ZNF407: variants seen among roughly 807,000 people sequenced by gnomAD.
ZNF407 encodes the protein zinc finger protein 407.
In ZNF407, 17 loss-of-function variants were observed where a neutral mutation model predicts 131.2. The observed-to-expected ratio is 0.13, with a 90% confidence interval of 0.09 to 0.19. The LOEUF (loss-of-function observed/expected upper bound fraction) is 0.19, where lower values mean the gene tolerates loss of function less well. Ranked by LOEUF, ZNF407 falls within the 10% of genes least tolerant of loss-of-function variation. The pLI is 1.00. For missense variants in ZNF407, 2,681 were observed against 2,830.6 expected (o/e 0.95, Z 1.20); for synonymous variants, 1,156 against 1,062.0 (o/e 1.09, Z -1.72).
chr18:74,918,689 A>G (rs532350447), intron 7 of ZNF407, among the ~76,000 whole-genome samples: 1 of 152,266 alleles, frequency 6.6e-6, no homozygotes, highest in East Asian at 1.9e-4. Context: ...CTGGGAAAAT[A>G]TCTGTTGTTC....
chr18:74,820,347 A>G (rs1183215597), intron 4 of ZNF407, among the ~76,000 whole-genome samples: 1 of 152,132 alleles, frequency 6.6e-6, no homozygotes, highest in African/African-American at 2.4e-5. Context: ...GACTGCAGAG[A>G]GCTGTCCTCA....
At chr18:74,785,912 GTCACATGGCACACACGATGTCAC>G (rs895723796) in intron 4 of ZNF407, among the ~76,000 whole-genome samples, 6 of 151,802 alleles carry the variant, frequency 4.0e-5, no homozygotes, top group Non-Finnish European at 7.4e-5. Flanking sequence ...GGACACACAT[GTCACATGGCACACACGATGTCAC>G]TCACATGGCA....
chr18:74,828,656 T>C (rs1258724645), intron 4 of ZNF407, among the ~76,000 whole-genome samples: 1 of 141,278 alleles, frequency 7.1e-6, no homozygotes, highest in African/African-American at 2.5e-5. Context: ...CTGCTGATTC[T>C]ACGCTGTTCC....
chr18:74,627,778 T>TTCTCTCTC (rs35067719), intron 1 of ZNF407, among the ~76,000 whole-genome samples: 9 of 132,586 alleles, frequency 6.8e-5, no homozygotes, highest in Non-Finnish European at 1.3e-4. Context: ...TTTTCTCTCT[T>TTCTCTCTC]TCTCTCTCTC....
At chr18:74,791,877 A>C (rs1969831839) in intron 4 of ZNF407, among the ~76,000 whole-genome samples, 2 of 152,208 alleles carry the variant, frequency 1.3e-5, no homozygotes, top group Non-Finnish European at 2.9e-5. Flanking sequence ...TGCTAGATTT[A>C]GGATACTAAA....
At chr18:74,947,568 G>C (rs980437706) in intron 8 of ZNF407, among the ~76,000 whole-genome samples, 1 of 152,186 alleles carries the variant, frequency 6.6e-6, no homozygotes, top group Admixed American at 6.5e-5. Flanking sequence ...GCAGGTTCTA[G>C]TGCACACTGA....
At chr18:74,655,629 G>A (rs116074323) in intron 3 of ZNF407, among the ~76,000 whole-genome samples, 1 of 152,108 alleles carries the variant, frequency 6.6e-6, no homozygotes, top group African/African-American at 2.4e-5. Context: ...TTGGAAAGGG[G>A]CTAAACATTT....
chr18:74,961,368 G>A (rs1972341743), intron 8 of ZNF407, among the ~76,000 whole-genome samples: 4 of 151,990 alleles, frequency 2.6e-5, no homozygotes. Flanking sequence ...GATCATGTAG[G>A]GCCCCAGCCA....
chr18:74,807,497 G>T (rs1365851231), intron 4 of ZNF407, among the ~76,000 whole-genome samples: 1 of 152,120 alleles, frequency 6.6e-6, no homozygotes, highest in Non-Finnish European at 1.5e-5. Flanking sequence ...GTTCCCCTAT[G>T]ATAGTATTTC....
At chr18:74,828,439 G>A (rs1181097274) in intron 4 of ZNF407, among the ~76,000 whole-genome samples, 1 of 152,154 alleles carries the variant, frequency 6.6e-6, no homozygotes, top group African/African-American at 2.4e-5. Context: ...GGAGGCAAGG[G>A]TCTTACTTTT....
intron 8 of ZNF407, among the ~76,000 whole-genome samples, chr18:74,987,044 C>T (rs75738156): frequency 1.1e-3 from 167 of 152,054 alleles, no homozygotes; most frequent in African/African-American, 3.8e-3. Context: ...TTTTTATTCT[C>T]GATGGGCAAC....
chr18:74,793,313 T>C (rs962549792), intron 4 of ZNF407, among the ~76,000 whole-genome samples: 1 of 152,198 alleles, frequency 6.6e-6, no homozygotes, highest in African/African-American at 2.4e-5. Flanking sequence ...GTCTGGAGTG[T>C]AATATTTTTA....
Position 75,063,093 on chromosome 18 carries a change from T to C in ZNF407, c.5429-57T>C. On this transcript the variant is annotated intron_variant, in intron 8 of 8. Transcript: ENST00000299687. This position sits in a 1 kb window ranked among gnomAD's most constrained non-coding sequence, Gnocchi z 6.6. ...GAGCGCTTCTGCAGAAGAAGTGTCT[T>C]ACTTGTAAGCCTACGAGTACTTTTT... The C allele has an allele frequency of 6.8e-7, 1 of 1,477,032 alleles. No homozygotes were observed. Among genetic ancestry groups the C allele is most frequent in the Non-Finnish European group, 9.1e-7 (1 of 1,096,324 alleles). The allele number at this position is 1,477,032 out of a possible 1,614,324, so 91.5% of individuals were successfully genotyped here.
intron 8 of ZNF407, among the ~76,000 whole-genome samples, chr18:74,987,543 T>C (rs1251177953): frequency 2.0e-5 from 3 of 152,210 alleles, no homozygotes; most frequent in Admixed American, 1.3e-4. Flanking sequence ...AATAAGAGAA[T>C]GTCTCCTTTC....
chr18:74,799,391 G>T (rs1472824861), intron 4 of ZNF407, among the ~76,000 whole-genome samples: 1 of 152,028 alleles, frequency 6.6e-6, no homozygotes, highest in East Asian at 1.9e-4. Context: ...TCCCTTGAGA[G>T]AATTCCTGCC....
At chr18:74,662,070 G>A (rs1985739777) in intron 3 of ZNF407, among the ~76,000 whole-genome samples, 2 of 151,690 alleles carry the variant, frequency 1.3e-5, no homozygotes, top group South Asian at 4.2e-4. Context: ...TGATCAACTG[G>A]AATGCAGCAA....
intron 8 of ZNF407, among the ~76,000 whole-genome samples, chr18:75,038,261 A>G (rs1973332420): frequency 6.6e-6 from 1 of 152,250 alleles, no homozygotes; most frequent in African/African-American, 2.4e-5. Flanking sequence ...GCCACATGTT[A>G]CATTGTCAAT....
intron 7 of ZNF407, among the ~76,000 whole-genome samples, chr18:74,915,263 G>A (rs1167092561): frequency 1.3e-5 from 2 of 152,134 alleles, no homozygotes; most frequent in Non-Finnish European, 2.9e-5. Flanking sequence ...CTTAGTTTAC[G>A]TCTTTTTCAC....
chr18:74,904,251 C>T (rs1400486370), intron 7 of ZNF407, among the ~76,000 whole-genome samples: 3 of 152,194 alleles, frequency 2.0e-5, no homozygotes, highest in Non-Finnish European at 2.9e-5. Flanking sequence ...GAGCATTTAG[C>T]GTGGTGAGGA....
Sources: allele counts gnomAD v4.1 joint callset (sites outside exome capture counted in the v4.1 genomes callset), GRCh38; gene constraint gnomAD v4.1.1; non-coding constraint Gnocchi (gnomAD v3.1); transcripts MANE v1.5; gene names NCBI Gene and HGNC (gene_info 2026-07-23, HGNC 2026-07-21).